Variants in DGKB observed in about 807,000 individuals in gnomAD.
DGKB encodes diacylglycerol kinase beta, also known as 90 kDa diacylglycerol kinase.
DGKB carries 67 observed loss-of-function variants against 114.3 expected under a neutral mutation model. That is an observed-to-expected ratio of 0.59 (90% CI 0.48 to 0.72). The LOEUF (loss-of-function observed/expected upper bound fraction) is 0.72, where lower values mean the gene tolerates loss of function less well. Among genes scored for constraint, DGKB ranks in the 30% least tolerant of loss-of-function variants. DGKB has a pLI of 0.00. For synonymous variants in DGKB, 398 were observed against 323.1 expected (o/e 1.23, Z -2.49); for missense variants, 907 against 975.2 (o/e 0.93, Z 0.93).
At chr7:14,170,168 A>T (rs987382948) in intron 25 of DGKB, among the ~76,000 whole-genome samples, 1 of 134,558 alleles carries the variant, frequency 7.4e-6, no homozygotes. Context: ...AAAGAAAGAA[A>T]GAAAGAAAGA....
At chr7:14,468,105 T>C (rs1780744232) in intron 21 of DGKB, among the ~76,000 whole-genome samples, 1 of 152,188 alleles carries the variant, frequency 6.6e-6, no homozygotes, top group Non-Finnish European at 1.5e-5. Context: ...AGTATTTAAA[T>C]TTCATATCAA....
chr7:14,648,760 G>GA (rs1440682496), intron 13 of DGKB, among the ~76,000 whole-genome samples: 3 of 142,952 alleles, frequency 2.1e-5, no homozygotes, highest in African/African-American at 7.7e-5. Context: ...AAATTTAGAA[G>GA]AATGTATAAC....
chr7:14,778,718 T>G (rs1357790554), intron 2 of DGKB, among the ~76,000 whole-genome samples: 1 of 152,112 alleles, frequency 6.6e-6, no homozygotes, highest in East Asian at 1.9e-4. Flanking sequence ...GAAGAGGGAG[T>G]TGACTTGTAA....
intron 23 of DGKB, among the ~76,000 whole-genome samples, chr7:14,288,177 G>A (rs889222780): frequency 1.5e-5 from 2 of 135,352 alleles, no homozygotes; most frequent in African/African-American, 5.5e-5. Flanking sequence ...TACCTGAACT[G>A]ATCAGGCAGA....
chr7:14,265,318 C>CTTTTTTTTT (rs781569705), intron 23 of DGKB, among the ~76,000 whole-genome samples: 2,555 of 67,528 alleles, frequency 0.038, 347 homozygotes, highest in East Asian at 0.1. Flanking sequence ...CTCTTGCATT[C>CTTTTTTTTT]TTTTTTTTTT....
chr7:14,473,421 T>C (rs1452363905), intron 21 of DGKB, among the ~76,000 whole-genome samples: 1 of 152,158 alleles, frequency 6.6e-6, no homozygotes, highest in African/African-American at 2.4e-5. Flanking sequence ...TGGAAACGCC[T>C]GGATGCCCAG....
chr7:14,859,224 T>C (rs1381108292), intron 1 of DGKB, among the ~76,000 whole-genome samples: 11 of 151,818 alleles, frequency 7.2e-5, no homozygotes, highest in African/African-American at 2.4e-4. Flanking sequence ...GAAACTGAGG[T>C]CTGGGAAAAA....
At chr7:14,509,721 G>A (rs764757514) in intron 20 of DGKB, among the ~76,000 whole-genome samples, 2 of 152,192 alleles carry the variant, frequency 1.3e-5, no homozygotes, top group Non-Finnish European at 2.9e-5. Flanking sequence ...CGACGCTCTG[G>A]TCCCCTGGAC....
chr7:14,407,995 A>G (rs1227289449), intron 21 of DGKB, among the ~76,000 whole-genome samples: 1 of 152,096 alleles, frequency 6.6e-6, no homozygotes, highest in East Asian at 1.9e-4. Context: ...CCCAATCCTC[A>G]CAAACCATAA....
intron 23 of DGKB, among the ~76,000 whole-genome samples, chr7:14,204,784 G>C (rs922416545): frequency 6.6e-6 from 1 of 151,984 alleles, no homozygotes; most frequent in Non-Finnish European, 1.5e-5. Flanking sequence ...CCACGAGTAT[G>C]GGAAGAGAAC....
At chr7:14,830,420 C>A (rs1417760999) in intron 2 of DGKB, among the ~76,000 whole-genome samples, 1 of 151,964 alleles carries the variant, frequency 6.6e-6, no homozygotes, top group Admixed American at 6.6e-5. Context: ...TCTCTAATAT[C>A]CATAGTGAGG....
chr7:14,753,355 C>G (rs1003127596), intron 4 of DGKB, among the ~76,000 whole-genome samples: 4 of 152,012 alleles, frequency 2.6e-5, no homozygotes, highest in Admixed American at 6.6e-5. Flanking sequence ...TTCTGTGCAC[C>G]CAACTGAACT....
At chr7:14,723,765 A>G (rs902016434) in intron 5 of DGKB, among the ~76,000 whole-genome samples, 1 of 152,220 alleles carries the variant, frequency 6.6e-6, no homozygotes, top group African/African-American at 2.4e-5. Flanking sequence ...ACACACATAC[A>G]CATTCTTTTC....
intron 21 of DGKB, among the ~76,000 whole-genome samples, chr7:14,392,995 G>GTGTTTTTTTTTTTTTTTTTTT (rs1821577015): frequency 1.7e-5 from 1 of 60,546 alleles, no homozygotes; most frequent in African/African-American, 4.8e-5. Context: ...TTTTGTTTTT[G>GTGTTTTTTTTTTTTTTTTTTT]TTTTTTTTTT....
intron 1 of DGKB, among the ~76,000 whole-genome samples, chr7:14,931,120 T>C (rs1428548865): frequency 6.6e-6 from 1 of 151,482 alleles, no homozygotes; most frequent in Non-Finnish European, 1.5e-5. Flanking sequence ...GTATTTTTTT[T>C]TTTTTTTTTG....
intron 2 of DGKB, among the ~76,000 whole-genome samples, chr7:14,803,014 G>A (rs1036356137): frequency 6.6e-6 from 1 of 151,912 alleles, no homozygotes; most frequent in Non-Finnish European, 1.5e-5. Flanking sequence ...GGAAAATTTG[G>A]AGTAGGTGAA....
intron 19 of DGKB, among the ~76,000 whole-genome samples, chr7:14,576,761 T>G (rs1347519569): frequency 1.3e-5 from 2 of 152,158 alleles, no homozygotes; most frequent in African/African-American, 2.4e-5. Context: ...AATTACCACA[T>G]CTAGATTGTA....
At chr7:14,928,128 T>C (rs1210346680) in intron 1 of DGKB, among the ~76,000 whole-genome samples, 1 of 152,010 alleles carries the variant, frequency 6.6e-6, no homozygotes, top group Non-Finnish European at 1.5e-5. Context: ...CTATTTATGA[T>C]TTAAGATAAA....
chr7:14,680,194 C>G (rs1173663949), intron 12 of DGKB, among the ~76,000 whole-genome samples: 2 of 151,680 alleles, frequency 1.3e-5, no homozygotes, highest in Non-Finnish European at 2.9e-5. Flanking sequence ...GCCTTGTTTC[C>G]TAAATAGAGC....
Sources: allele counts gnomAD v4.1 joint callset (sites outside exome capture counted in the v4.1 genomes callset), GRCh38; gene constraint gnomAD v4.1.1; transcripts MANE v1.5; gene names NCBI Gene and HGNC (gene_info 2026-07-23, HGNC 2026-07-21).